Variants in SPTLC2 observed in about 807,000 individuals in gnomAD.
The protein encoded by SPTLC2 is serine palmitoyltransferase long chain base subunit 2.
SPTLC2 carries 21 observed loss-of-function variants against 62.0 expected under a neutral mutation model. That is an observed-to-expected ratio of 0.34 (90% CI 0.24 to 0.49). The LOEUF (loss-of-function observed/expected upper bound fraction) is 0.49, where lower values mean the gene tolerates loss of function less well. SPTLC2 is among the 20% of genes least tolerant of loss of function. The pLI is 0.99. For synonymous variants in SPTLC2, 261 were observed against 261.8 expected (o/e 1.00, Z 0.03); for missense variants, 511 against 713.0 (o/e 0.72, Z 3.23).
chr14:77,589,909 CAG>C (rs1466470610), intron 2 of SPTLC2, among the ~76,000 whole-genome samples: 2 of 150,054 alleles, frequency 1.3e-5, no homozygotes, highest in Non-Finnish European at 2.9e-5. Context: ...ACCCAGAAGG[CAG>C]AGACTGCAGT....
intron 1 of SPTLC2, among the ~76,000 whole-genome samples, chr14:77,612,762 C>G (rs924367436): frequency 3.3e-5 from 5 of 152,184 alleles, no homozygotes; most frequent in Non-Finnish European, 5.9e-5. Flanking sequence ...AGAAGCAAGA[C>G]TAACACTTTG....
chr14:77,603,035 A>C (rs147771338), intron 1 of SPTLC2, among the ~76,000 whole-genome samples: 6 of 152,370 alleles, frequency 3.9e-5, no homozygotes, highest in African/African-American at 1.4e-4. Context: ...AAACTGACTC[A>C]GAAGAAATGA....
In SPTLC2 at chr14:77,552,108, C is replaced by T; in HGVS notation, c.1291G>A (p.Gly431Ser). The change falls in exon 9 of 12, where the codon GGC becomes AGC. Residue 431 changes from glycine to serine, a missense_variant. Gly to Ser is a moderately conservative substitution (Grantham distance 56). Coordinates refer to ENST00000216484, the MANE Select transcript of SPTLC2 (RefSeq NM_004863.4). ...TSMKCIMGQD[G>S]TSLGKECVQQ... ...AAGAAAGACTTACCAAGGCTGGTGC[C>T]ATCCTGCCCCATGATGCACTTCATG... 6 of 1,614,092 alleles carry T rather than the reference C, an allele frequency of 3.7e-6. No homozygotes were observed. The highest frequency in any genetic ancestry group is 5.1e-6 in the Non-Finnish European group (6 of 1,180,012).
In SPTLC2 at chr14:77,545,553, G is replaced by T. The variant is rs147593962; in HGVS notation, c.1303+6543C>A. On this transcript the variant is annotated intron_variant, in intron 9 of 11. Coordinates refer to ENST00000216484, the MANE Select transcript of SPTLC2 (RefSeq NM_004863.4). ...CAAAGTGCTGGGATTACAGGCGTGA[G>T]CCATCGTGCCCGGCCGGGTATCAGG... 3.0e-3 allele frequency among the ~76,000 whole-genome samples: 452 copies of T among 152,310 alleles called. 5 individuals carry two copies. Among genetic ancestry groups the T allele is most frequent in the African/African-American group, 0.011 (438 of 41,562 alleles).
intron 1 of SPTLC2, among the ~76,000 whole-genome samples, chr14:77,598,879 G>T (rs1164115488): frequency 1.3e-5 from 2 of 149,870 alleles, no homozygotes; most frequent in South Asian, 4.2e-4. Flanking sequence ...AGATGGCAGT[G>T]AGCCATGATC....
chr14:77,604,237 C>T (rs1339325076), intron 1 of SPTLC2, among the ~76,000 whole-genome samples: 1 of 152,274 alleles, frequency 6.6e-6, no homozygotes. Flanking sequence ...TTTAAAATGT[C>T]AATGGGGAGA....
intron 7 of SPTLC2, among the ~76,000 whole-genome samples, chr14:77,556,823 G>A (rs1214370755): frequency 6.6e-6 from 1 of 152,134 alleles, no homozygotes; most frequent in Non-Finnish European, 1.5e-5. Context: ...AAATAGAAAG[G>A]GGATTTGGTG....
At chr14:77,518,927 G>A (rs1203923852) in intron 10 of SPTLC2, among the ~76,000 whole-genome samples, 2 of 152,188 alleles carry the variant, frequency 1.3e-5, no homozygotes, top group Non-Finnish European at 2.9e-5. Context: ...CACACAATTC[G>A]TATTTAACAA....
At chr14:77,542,972 GAA>G (rs2140010297) in intron 9 of SPTLC2, among the ~76,000 whole-genome samples, 1 of 152,336 alleles carries the variant, frequency 6.6e-6, no homozygotes, top group East Asian at 1.9e-4. Context: ...ACAAAAGGCA[GAA>G]AAGAGGCCAA....
At chr14:77,597,718 AAGC>A (rs933369131) in intron 1 of SPTLC2, among the ~76,000 whole-genome samples, 1 of 151,712 alleles carries the variant, frequency 6.6e-6, no homozygotes, top group Non-Finnish European at 1.5e-5. Flanking sequence ...AGGCTGCAGT[AAGC>A]CAAGATCACG....
intron 1 of SPTLC2, among the ~76,000 whole-genome samples, chr14:77,599,666 C>T (rs2079866755): frequency 6.6e-6 from 1 of 152,168 alleles, no homozygotes; most frequent in African/African-American, 2.4e-5. Context: ...ATCTCTTCCA[C>T]ACAGCAGAAA....
rs1323458456 is a variant in SPTLC2 at position 77,531,183 on chromosome 14, T to C, written c.1304-9602A>G. Among the ~76,000 whole-genome samples the C allele has an allele frequency of 2.0e-5, 3 of 152,208 alleles. No individual in the cohort carries two copies. The South Asian group carries it at 6.2e-4, about 31-fold the overall frequency. On this transcript the variant is annotated intron_variant, in intron 9 of 11. Transcript: ENST00000216484. ...CCATTTCCAGAGTTTCTCAGTAAGA[T>C]TGTTGTTGGCATTTTGGGCAAAACA...
In SPTLC2 at chr14:77,616,472, G is replaced by A; in HGVS notation, c.108C>T (p.Ala36=). 2.7e-6 allele frequency: 4 copies of A among 1,495,584 alleles called. No individual in the cohort carries two copies. In the East Asian group the frequency reaches 8.4e-5, roughly 32 times the overall value. 92.6% of individuals were successfully genotyped at this position (1,495,584 alleles called of 1,614,324 possible). The change falls in exon 1 of 12, where the codon GCC becomes GCT. Residue 36 remains alanine (A), a synonymous_variant. Transcript: ENST00000216484. ...RNGYVRSSAA[A]AAAAAAGQIH... ...CCTGGCCGGCGGCGGCTGCGGCTGC[G>A]GCTGCAGCGCTGCTCCTCACGTACC... is the stretch of plus-strand genomic sequence containing the variant.
At chr14:77,540,640 A>T (rs2079495959) in intron 9 of SPTLC2, among the ~76,000 whole-genome samples, 1 of 151,976 alleles carries the variant, frequency 6.6e-6, no homozygotes, top group Non-Finnish European at 1.5e-5. Context: ...ACACCTGGCT[A>T]ATTTTTGTAT....
chr14:77,525,590 GA>G (rs34294932), intron 9 of SPTLC2, among the ~76,000 whole-genome samples: 18 of 140,126 alleles, frequency 1.3e-4, no homozygotes, highest in Non-Finnish European at 1.8e-4. Context: ...ACTCCGTCTC[GA>G]AAAAAAAAAA....
chr14:77,589,789 C>CCACA (rs10627978), intron 2 of SPTLC2, among the ~76,000 whole-genome samples: 37,455 of 146,030 alleles, frequency 0.26, 4,902 homozygotes, highest in Non-Finnish European at 0.3. Flanking sequence ...GAGTCCGTCT[C>CCACA]CACACACACA....
At chr14:77,525,538 G>A (rs1292844153) in intron 9 of SPTLC2, among the ~76,000 whole-genome samples, 2 of 151,154 alleles carry the variant, frequency 1.3e-5, no homozygotes, top group African/African-American at 2.4e-5. Flanking sequence ...TGCCGTGAGC[G>A]AGACTGCGCC....
At chr14:77,593,197 G>A (rs951422118) in intron 2 of SPTLC2, among the ~76,000 whole-genome samples, 1 of 152,100 alleles carries the variant, frequency 6.6e-6, no homozygotes, top group African/African-American at 2.4e-5. Flanking sequence ...AAGCTGTGGA[G>A]GCAAAATGTT....
intron 5 of SPTLC2, among the ~76,000 whole-genome samples, chr14:77,565,499 C>T (rs1303404159): frequency 2.0e-5 from 3 of 152,138 alleles, no homozygotes; most frequent in Non-Finnish European, 2.9e-5. Context: ...CATAGTCTCT[C>T]GCATGATTCA....
Sources: gnomAD v4.1 joint callset for allele counts (sites outside exome capture counted in the v4.1 genomes callset) on GRCh38, gnomAD v4.1.1 for gene constraint, MANE v1.5 for transcripts, NCBI Gene and HGNC (gene_info 2026-07-23, HGNC 2026-07-21) for gene names.